Variants in RPS6KC1 observed in about 807,000 individuals in gnomAD.
RPS6KC1 encodes the protein inactive ribosomal protein S6 kinase delta-1.
A neutral mutation model predicts 103.8 loss-of-function variants in RPS6KC1; 54 were observed. The observed-to-expected ratio is 0.52, with a 90% CI of 0.42 to 0.65. RPS6KC1 has a LOEUF of 0.65. Among genes scored for constraint, RPS6KC1 ranks in the 30% least tolerant of loss-of-function variants. The probability of loss-of-function intolerance (pLI) is 0.00; values close to 1 mark genes in which losing one functional copy is unlikely to be tolerated. For synonymous variants in RPS6KC1, 439 were observed against 438.7 expected, an observed-to-expected ratio of 1.00 and a Z score of -0.01; for missense variants, 1,151 against 1,253.8, an observed-to-expected ratio of 0.92 and a Z score of 1.24.
chr1:213,540,295 T>G, the RPS6KC1 span, among the ~76,000 whole-genome samples: 2 of 152,130 alleles, frequency 1.3e-5, no homozygotes, highest in African/African-American at 4.8e-5. Context: ...TTTTAAAAAG[T>G]TTTTTAGAAA....
chr1:213,269,883 C>G (rs1412758195), intron 14 of RPS6KC1, among the ~76,000 whole-genome samples: 1 of 151,008 alleles, frequency 6.6e-6, no homozygotes, highest in Non-Finnish European at 1.5e-5. Flanking sequence ...GACCCTGTCT[C>G]TAAATTTAAA....
chr1:213,446,163 C>A, the RPS6KC1 span, among the ~76,000 whole-genome samples: 1 of 152,204 alleles, frequency 6.6e-6, no homozygotes, highest in African/African-American at 2.4e-5. Context: ...AGCTTCCAGC[C>A]ACCATCATTC....
At chr1:213,117,229 A>T in intron 4 of RPS6KC1, 88 bp from the exon 5 acceptor site, 2 of 715,002 alleles carry the variant, frequency 2.8e-6, no homozygotes, top group Non-Finnish European at 2.4e-6. Context: ...GTACATCTTT[A>T]CACATACTTA....
chr1:213,799,611 C>T, the RPS6KC1 span, among the ~76,000 whole-genome samples: 1 of 152,214 alleles, frequency 6.6e-6, no homozygotes, highest in Admixed American at 6.5e-5. Flanking sequence ...GTTCTGGAAG[C>T]GGGAATCCGC....
chr1:213,355,165 T>C, the RPS6KC1 span, among the ~76,000 whole-genome samples: 2 of 151,516 alleles, frequency 1.3e-5, no homozygotes, highest in African/African-American at 4.9e-5. Flanking sequence ...TGCAGTGAAC[T>C]GAGATCGCGC....
chr1:213,330,863 T>G, the RPS6KC1 span, among the ~76,000 whole-genome samples: 2 of 152,172 alleles, frequency 1.3e-5, no homozygotes, highest in Non-Finnish European at 2.9e-5. Context: ...AAGGAGAACT[T>G]TTCATGGCAC....
the RPS6KC1 span, among the ~76,000 whole-genome samples, chr1:213,847,240 T>C: frequency 6.6e-6 from 1 of 152,198 alleles, no homozygotes; most frequent in Non-Finnish European, 1.5e-5. Context: ...CACATGGGAT[T>C]CTACTTAGCA....
chr1:213,772,439 G>C, the RPS6KC1 span, among the ~76,000 whole-genome samples: 12 of 152,204 alleles, frequency 7.9e-5, no homozygotes, highest in South Asian at 2.1e-4. Context: ...TGTGTCATTT[G>C]CTGTACAAAA....
chr1:213,486,089 C>T, the RPS6KC1 span, among the ~76,000 whole-genome samples: 6 of 152,210 alleles, frequency 3.9e-5, no homozygotes, highest in African/African-American at 1.4e-4. Flanking sequence ...CTCTCTCCTT[C>T]CCAGCAGGCA....
chr1:213,829,001 G>A, the RPS6KC1 span, among the ~76,000 whole-genome samples: 4 of 152,092 alleles, frequency 2.6e-5, no homozygotes, highest in African/African-American at 4.8e-5. Flanking sequence ...TAGCTGCAAC[G>A]GGCTAGTGGG....
At chr1:213,235,947 G>A (rs999203704) in intron 10 of RPS6KC1, among the ~76,000 whole-genome samples, 3 of 152,166 alleles carry the variant, frequency 2.0e-5, no homozygotes, top group Non-Finnish European at 4.4e-5. Context: ...CAAGGTATTA[G>A]TGTGTAGGTC....
chr1:213,308,878 A>G, the RPS6KC1 span, among the ~76,000 whole-genome samples: 1 of 152,240 alleles, frequency 6.6e-6, no homozygotes. Context: ...AAAAAGTAAA[A>G]CTGCAAATCT....
At chr1:213,696,417 G>T in the RPS6KC1 span, among the ~76,000 whole-genome samples, 1 of 149,464 alleles carries the variant, frequency 6.7e-6, no homozygotes, top group Non-Finnish European at 1.5e-5. Context: ...CAGGAGAATC[G>T]CTTGAACCCG....
At chr1:213,419,511 T>G in the RPS6KC1 span, among the ~76,000 whole-genome samples, 2 of 152,168 alleles carry the variant, frequency 1.3e-5, no homozygotes, top group Non-Finnish European at 2.9e-5. Flanking sequence ...GCAGAGAGGT[T>G]AAGTGACTGG....
At chr1:213,445,887 G>T in the RPS6KC1 span, among the ~76,000 whole-genome samples, 1 of 152,148 alleles carries the variant, frequency 6.6e-6, no homozygotes, top group Non-Finnish European at 1.5e-5. Context: ...CTAATGGGAG[G>T]TGTTATCTCC....
At chr1:213,367,101 C>T in the RPS6KC1 span, among the ~76,000 whole-genome samples, 252 of 152,294 alleles carry the variant, frequency 1.7e-3, 1 homozygote, top group African/African-American at 6.0e-3. Flanking sequence ...GTTTCAGTTC[C>T]TCGGCATCCC....
chr1:213,501,419 G>A, the RPS6KC1 span, among the ~76,000 whole-genome samples: 1 of 152,156 alleles, frequency 6.6e-6, no homozygotes, highest in African/African-American at 2.4e-5. Flanking sequence ...AGTATTAGAA[G>A]CAAATATATA....
chr1:213,148,951 A>G (rs771039151), intron 6 of RPS6KC1, among the ~76,000 whole-genome samples: 2 of 152,116 alleles, frequency 1.3e-5, no homozygotes, highest in Admixed American at 6.5e-5. Flanking sequence ...AGACTTTCCA[A>G]TTTATTGACA....
At chr1:213,343,495 A>G in the RPS6KC1 span, among the ~76,000 whole-genome samples, 2,291 of 141,558 alleles carry the variant, frequency 0.016, 39 homozygotes, top group Admixed American at 0.031. Flanking sequence ...TGACATTCAC[A>G]TTGACCTGGA....
Sources: gnomAD v4.1 joint callset for allele counts (sites outside exome capture counted in the v4.1 genomes callset) on GRCh38, gnomAD v4.1.1 for gene constraint, MANE v1.5 for transcripts, NCBI Gene and HGNC (gene_info 2026-07-23, HGNC 2026-07-21) for gene names.